Variants in SLIT1 observed in about 807,000 individuals in gnomAD.
SLIT1 encodes the protein slit guidance ligand 1.
Under a neutral mutation model 186.1 loss-of-function variants are expected in SLIT1, and 66 were observed. The observed-to-expected ratio is 0.35, with a 90% CI of 0.29 to 0.44. The LOEUF is 0.44. Ranked by LOEUF, SLIT1 falls within the 20% of genes least tolerant of loss-of-function variation. SLIT1 has a pLI of 1.00. For synonymous variants in SLIT1, 761 were observed against 833.8 expected, an observed-to-expected ratio of 0.91 and a Z score of 1.50; for missense variants, 1,638 against 2,037.4, an observed-to-expected ratio of 0.80 and a Z score of 3.77.
chr10:97,084,962 C>T (rs1283528650), intron 4 of SLIT1, among the ~76,000 whole-genome samples: 22 of 138,908 alleles, frequency 1.6e-4, no homozygotes, highest in Admixed American at 4.0e-4. Flanking sequence ...CTCACTCTGT[C>T]GCCCAGGCTG....
At chr10:97,001,375 A>G in intron 36 of SLIT1, 25 bp from the exon 37 acceptor site, 1 of 1,586,750 alleles carries the variant, frequency 6.3e-7, no homozygotes, top group Non-Finnish European at 8.6e-7. Flanking sequence ...CACCAAGAGA[A>G]AGCCTCAGGG....
chr10:97,154,625 C>T (rs1313815863), intron 4 of SLIT1: 1 of 152,282 alleles, frequency 6.6e-6, no homozygotes, highest in Non-Finnish European at 1.5e-5. Context: ...CCACTGCCCT[C>T]CTGGAAGTCC....
At chr10:97,001,462 C>A in intron 36 of SLIT1, 112 bp from the exon 37 acceptor site, 1 of 789,732 alleles carries the variant, frequency 1.3e-6, no homozygotes, top group Non-Finnish European at 2.1e-6. Context: ...TGGGGTGGAT[C>A]CTTTGGCTCT....
intron 4 of SLIT1, among the ~76,000 whole-genome samples, chr10:97,123,956 C>T (rs61864255): frequency 0.012 from 1,850 of 152,116 alleles, 11 homozygotes; most frequent in Non-Finnish European, 0.018. Flanking sequence ...GGATGTGTTC[C>T]AAGGAGTCCT....
intron 22 of SLIT1, among the ~76,000 whole-genome samples, chr10:97,035,375 A>G (rs1482790462): frequency 6.6e-6 from 1 of 151,764 alleles, no homozygotes; most frequent in Non-Finnish European, 1.5e-5. Flanking sequence ...CCTGATGCCC[A>G]CAGATACTCA....
At chr10:97,153,752 G>A (rs1406095053) in intron 4 of SLIT1, 1 of 152,082 alleles carries the variant, frequency 6.6e-6, no homozygotes, top group African/African-American at 2.4e-5. Flanking sequence ...ACAGGAAGTA[G>A]GAGGCAAATT....
chr10:97,034,641 C>A (rs1304743640), intron 22 of SLIT1, 99 bp from the exon 23 acceptor site: 2 of 1,118,454 alleles, frequency 1.8e-6, no homozygotes, highest in Non-Finnish European at 2.7e-6. Context: ...CAGGGCCATT[C>A]CCCAGCCAGG....
At chr10:97,018,727 G>T (rs1304352501) in intron 27 of SLIT1, 44 bp from the exon 28 acceptor site, 1 of 1,328,528 alleles carries the variant, frequency 7.5e-7, no homozygotes, top group South Asian at 1.3e-5. Context: ...AGACCCAGGA[G>T]TTAGTATGAG....
intron 1 of SLIT1, among the ~76,000 whole-genome samples, chr10:97,173,343 AG>A (rs1850215408): frequency 6.6e-6 from 1 of 152,170 alleles, no homozygotes; most frequent in Non-Finnish European, 1.5e-5. Flanking sequence ...ATCTCTTGGA[AG>A]TAGGCATCTT....
intron 4 of SLIT1, among the ~76,000 whole-genome samples, chr10:97,144,108 G>A (rs1344041856): frequency 6.6e-6 from 1 of 151,842 alleles, no homozygotes; most frequent in East Asian, 1.9e-4. Context: ...TGAGGCACAA[G>A]AATCTCTTGA....
chr10:97,132,196 C>A (rs1849660875), intron 4 of SLIT1, among the ~76,000 whole-genome samples: 1 of 152,198 alleles, frequency 6.6e-6, no homozygotes, highest in Non-Finnish European at 1.5e-5. Context: ...TGCCCCTCTG[C>A]CAGCCACAGC....
At chr10:97,057,795 A>C in intron 11 of SLIT1, 1 of 532,916 alleles carries the variant, frequency 1.9e-6, no homozygotes. Context: ...TGCATTGAGC[A>C]TGAATTCCAT....
chr10:97,128,071 C>T (rs1439256896), intron 4 of SLIT1, among the ~76,000 whole-genome samples: 1 of 152,178 alleles, frequency 6.6e-6, no homozygotes, highest in Non-Finnish European at 1.5e-5. Flanking sequence ...CACCGAGCCC[C>T]CTGCTCTCGG....
chr10:97,167,060 G>A (rs1174515032), intron 1 of SLIT1, among the ~76,000 whole-genome samples: 1 of 152,108 alleles, frequency 6.6e-6, no homozygotes, highest in Non-Finnish European at 1.5e-5. Context: ...GCTCCTCATC[G>A]CTTTCCTAAC....
intron 4 of SLIT1, among the ~76,000 whole-genome samples, chr10:97,095,677 T>G (rs1483189804): frequency 6.6e-6 from 1 of 152,188 alleles, no homozygotes; most frequent in East Asian, 1.9e-4. Flanking sequence ...GCTGCACTTG[T>G]TGAACCTGCG....
intron 4 of SLIT1, among the ~76,000 whole-genome samples, chr10:97,110,901 T>C (rs779920541): frequency 5.3e-5 from 8 of 152,232 alleles, no homozygotes; most frequent in Admixed American, 1.3e-4. Context: ...TTCTAAAGCA[T>C]TATTTTCAAA....
At chr10:97,114,128 C>T (rs532646615) in intron 4 of SLIT1, among the ~76,000 whole-genome samples, 55 of 152,312 alleles carry the variant, frequency 3.6e-4, no homozygotes, top group African/African-American at 1.3e-3. Flanking sequence ...CTTCTGACCA[C>T]GTCACAGTGT....
chr10:97,087,215 C>A (rs2134660013), intron 4 of SLIT1, among the ~76,000 whole-genome samples: 1 of 152,176 alleles, frequency 6.6e-6, no homozygotes, highest in Admixed American at 6.5e-5. Flanking sequence ...GTCATTCCTC[C>A]AGGGGGCCTG....
intron 1 of SLIT1, among the ~76,000 whole-genome samples, chr10:97,171,016 C>A (rs754238537): frequency 2.0e-5 from 3 of 151,994 alleles, no homozygotes; most frequent in Non-Finnish European, 2.9e-5. Context: ...TCACAGCTTG[C>A]GGTGGATGGA....
Sources: gnomAD v4.1 joint callset for allele counts (sites outside exome capture counted in the v4.1 genomes callset) on GRCh38, gnomAD v4.1.1 for gene constraint, MANE v1.5 for transcripts, NCBI Gene and HGNC (gene_info 2026-07-23, HGNC 2026-07-21) for gene names.